SYT14: variants seen among roughly 807,000 people sequenced by gnomAD.
SYT14 encodes synaptotagmin-14.
A neutral mutation model predicts 74.2 loss-of-function variants in SYT14; 32 were observed. The observed-to-expected ratio is 0.43, with a 90% confidence interval of 0.33 to 0.58. The LOEUF (loss-of-function observed/expected upper bound fraction) is 0.58. Among genes scored for constraint, SYT14 ranks in the 20% least tolerant of loss-of-function variants. The pLI, the probability that SYT14 is intolerant of heterozygous loss-of-function variation, is 0.05. For synonymous variants in SYT14, 298 were observed against 337.7 expected (o/e 0.88, Z 1.29); for missense variants, 791 against 981.8 (o/e 0.81, Z 2.60).
chr1:210,073,423 C>G (rs925913238), intron 5 of SYT14, among the ~76,000 whole-genome samples: 1 of 151,864 alleles, frequency 6.6e-6, no homozygotes, highest in Non-Finnish European at 1.5e-5. Flanking sequence ...TTTGAAGTGT[C>G]TGGTTATTTG....
At chr1:210,106,561 G>A (rs535215957) in intron 7 of SYT14, among the ~76,000 whole-genome samples, 5 of 152,086 alleles carry the variant, frequency 3.3e-5, no homozygotes, top group African/African-American at 7.2e-5. Context: ...TCCACATGGC[G>A]GCAACAAGGA....
At chr1:210,083,152 T>G (rs1034762408) in intron 5 of SYT14, among the ~76,000 whole-genome samples, 4 of 151,944 alleles carry the variant, frequency 2.6e-5, no homozygotes, top group East Asian at 3.9e-4. Flanking sequence ...AGCTAATTTT[T>G]GGGGTTTTTT....
At chr1:210,135,510 C>T (rs188265507) in intron 7 of SYT14, among the ~76,000 whole-genome samples, 1 of 152,300 alleles carries the variant, frequency 6.6e-6, no homozygotes, top group Non-Finnish European at 1.5e-5. Flanking sequence ...AACCATGGGA[C>T]ATATTTATAA....
chr1:209,997,707 G>A (rs1337399590), intron 2 of SYT14, among the ~76,000 whole-genome samples: 1 of 152,046 alleles, frequency 6.6e-6, no homozygotes, highest in Admixed American at 6.6e-5. Context: ...ATGGGGGCAT[G>A]GGTTACAAAA....
At chr1:209,969,700 GATGGTC>G (rs2079215600) in intron 2 of SYT14, among the ~76,000 whole-genome samples, 1 of 151,882 alleles carries the variant, frequency 6.6e-6, no homozygotes, top group Non-Finnish European at 1.5e-5. Flanking sequence ...TGTTAGCCAG[GATGGTC>G]TTGATCTCCT....
intron 5 of SYT14, among the ~76,000 whole-genome samples, chr1:210,021,844 T>A (rs896702722): frequency 3.9e-5 from 6 of 152,214 alleles, no homozygotes; most frequent in Non-Finnish European, 5.9e-5. Context: ...GAAGGATTAT[T>A]TGTCTCTAAC....
chr1:209,974,693 G>C (rs571782049), intron 2 of SYT14, among the ~76,000 whole-genome samples: 33 of 151,840 alleles, frequency 2.2e-4, no homozygotes, highest in African/African-American at 5.8e-4. Flanking sequence ...TTGGCAATGC[G>C]GGCTCTTTTT....
chr1:210,014,359 G>GGAAA (rs151268028), intron 3 of SYT14, among the ~76,000 whole-genome samples: 1 of 150,836 alleles, frequency 6.6e-6, no homozygotes, highest in African/African-American at 2.4e-5. Flanking sequence ...CTAGATACTA[G>GGAAA]GAAAGATGAG....
chr1:209,984,522 G>A (rs2079540155), intron 2 of SYT14, among the ~76,000 whole-genome samples: 1 of 152,136 alleles, frequency 6.6e-6, no homozygotes, highest in African/African-American at 2.4e-5. Flanking sequence ...ATAATAAGAT[G>A]AAAATTATTT....
At chr1:210,058,343 G>A (rs2081138146) in intron 5 of SYT14, among the ~76,000 whole-genome samples, 1 of 152,194 alleles carries the variant, frequency 6.6e-6, no homozygotes. Flanking sequence ...TTTGAAGTTG[G>A]GAGGTACTGT....
At chr1:209,941,315 G>A (rs998765391) in intron 1 of SYT14, among the ~76,000 whole-genome samples, 10 of 152,154 alleles carry the variant, frequency 6.6e-5, no homozygotes, top group Non-Finnish European at 1.3e-4. Context: ...CAGTAAAGAA[G>A]TTAGGCTATA....
chr1:210,029,198 A>G (rs2080476316), intron 5 of SYT14, among the ~76,000 whole-genome samples: 1 of 152,108 alleles, frequency 6.6e-6, no homozygotes, highest in Non-Finnish European at 1.5e-5. Flanking sequence ...TGGTTTGCAA[A>G]TATTTTTTCC....
At chr1:210,135,788 T>C (rs2082773327) in intron 7 of SYT14, among the ~76,000 whole-genome samples, 1 of 152,206 alleles carries the variant, frequency 6.6e-6, no homozygotes, top group South Asian at 2.1e-4. Flanking sequence ...TTTTAAGTTT[T>C]GCTATAGAAA....
At chr1:210,094,707 T>C (rs2081938833) in intron 6 of SYT14, 114 bp downstream of exon 5, 2 of 1,206,508 alleles carry the variant, frequency 1.7e-6, no homozygotes, top group African/African-American at 1.5e-5. Flanking sequence ...TTGTAACTTA[T>C]AGTACCAGTA....
At chr1:210,135,441 T>G (rs1365283784) in intron 7 of SYT14, among the ~76,000 whole-genome samples, 1 of 152,176 alleles carries the variant, frequency 6.6e-6, no homozygotes, top group Admixed American at 6.5e-5. Flanking sequence ...TAAATTTTGG[T>G]CTATTTTATA....
chr1:209,956,250 A>G (rs931609614), intron 2 of SYT14, among the ~76,000 whole-genome samples: 1 of 150,890 alleles, frequency 6.6e-6, no homozygotes, highest in African/African-American at 2.5e-5. Flanking sequence ...TGTATTACTC[A>G]AGGTACTGTT....
intron 5 of SYT14, among the ~76,000 whole-genome samples, chr1:210,028,673 T>C (rs185378101): frequency 1.3e-4 from 20 of 152,306 alleles, no homozygotes; most frequent in African/African-American, 4.1e-4. Flanking sequence ...CATTTATCCA[T>C]TGGGGGACAC....
chr1:210,140,715 A>C (rs1572368625), intron 7 of SYT14, among the ~76,000 whole-genome samples: 1 of 152,056 alleles, frequency 6.6e-6, no homozygotes, highest in Non-Finnish European at 1.5e-5. Flanking sequence ...ATTCTTTTAC[A>C]TGTGGATATC....
chr1:210,040,515 T>TA (rs879510647), intron 5 of SYT14, among the ~76,000 whole-genome samples: 26 of 144,756 alleles, frequency 1.8e-4, no homozygotes, highest in Admixed American at 2.1e-4. Context: ...AAGTGTAATT[T>TA]AAAAAAAAAA....
Sources: allele counts gnomAD v4.1 joint callset (sites outside exome capture counted in the v4.1 genomes callset), GRCh38; gene constraint gnomAD v4.1.1; transcripts MANE v1.5; gene names NCBI Gene and HGNC (gene_info 2026-07-23, HGNC 2026-07-21).